The following MYOM2 variants were observed in gnomAD, a reference collection of about 807,000 sequenced individuals.
MYOM2 encodes the protein myomesin-2.
MYOM2 carries 254 observed loss-of-function variants against 187.6 expected under a neutral mutation model. That is an observed-to-expected ratio of 1.35 (90% CI 1.22 to 1.50). MYOM2 has a LOEUF of 1.50. MYOM2 is among the 40% of genes most tolerant of loss of function. The probability of loss-of-function intolerance (pLI) is 0.00; values close to 1 mark genes in which losing one functional copy is unlikely to be tolerated. For missense variants in MYOM2, 2,796 were observed against 1,924.0 expected (o/e 1.45, Z -8.48); for synonymous variants, 981 against 753.8 (o/e 1.30, Z -4.94).
At chr8:2,057,516 T>C in intron 4 of MYOM2, 30 bp downstream of exon 4, 1 of 1,613,580 alleles carries the variant, frequency 6.2e-7, no homozygotes, top group Non-Finnish European at 8.5e-7. Flanking sequence ...GCTGGGTGTC[T>C]GGGAAGCGTG....
intron 6 of MYOM2, among the ~76,000 whole-genome samples, chr8:2,062,111 G>C (rs1055092241): frequency 5.3e-5 from 8 of 152,208 alleles, no homozygotes; most frequent in Non-Finnish European, 2.9e-5. Flanking sequence ...TGGCACAAAG[G>C]CTCTGAGAGG....
intron 23 of MYOM2, 33 bp downstream of exon 23, chr8:2,106,630 T>C: frequency 6.8e-7 from 1 of 1,479,616 alleles, no homozygotes; most frequent in Non-Finnish European, 9.3e-7. Context: ...TTGCCTGTTT[T>C]GGTTTTATCA....
rs761611038 is a variant in MYOM2, at chr8:2,092,399, G to A, written c.1882G>A (p.Val628Met). 4 of 1,614,058 alleles carry A rather than the reference G, an allele frequency of 2.5e-6. No individual in the cohort carries two copies. In the African/African-American group the frequency reaches 4.0e-5, roughly 16 times the overall value. ...VLASRNTKTSVVVQWDRPKHE... is the reference protein window; with the variant it reads ...VLASRNTKTSMVVQWDRPKHE... ...TGCTTCCCGAAACACCAAGACGTCG[G>A]TGGTGGTGCAGTGGGACCGACCTAA... The change falls in exon 16 of 37, where the codon GTG (valine) becomes ATG (methionine). Residue 628 changes from valine (V) to methionine (M), a missense_variant. Physicochemically the swap from Val to Met is conservative, Grantham distance 21. Coordinates refer to ENST00000262113, the MANE Select transcript of MYOM2 (RefSeq NM_003970.4).
Position 2,102,750 on chromosome 8 carries a change from G to A in MYOM2, c.2703G>A (p.Thr901=), listed in dbSNP as rs201339828. 1.2e-4 allele frequency: 197 copies of A among 1,613,968 alleles called. 1 individual carries two copies. The East Asian group carries it at 3.8e-3, about 31-fold the overall frequency. The part of the protein sequence containing the change: ...NANGVGKPSD[T]SEPVLVEARP... ...ATGGCGTGGGGAAGCCCTCAGACAC[G>A]TCGGAGCCTGTGCTGGTAGAGGCGA... The change falls in exon 21 of 37, where the codon ACG becomes ACA. Residue 901 remains threonine, a synonymous_variant. Coordinates refer to ENST00000262113, the MANE Select transcript of MYOM2 (RefSeq NM_003970.4).
chr8:2,049,636 G>C (rs1205073009), intron 1 of MYOM2, among the ~76,000 whole-genome samples: 1 of 152,178 alleles, frequency 6.6e-6, no homozygotes, highest in Non-Finnish European at 1.5e-5. Context: ...TTTAAATAAG[G>C]ACAGATCCTC....
intron 10 of MYOM2, among the ~76,000 whole-genome samples, chr8:2,075,735 C>T (rs1036067227): frequency 6.6e-6 from 1 of 152,162 alleles, no homozygotes; most frequent in African/African-American, 2.4e-5. Context: ...CGCCCAATTT[C>T]CTAAGGATTT....
chr8:2,135,242 T>A (rs1172986530), intron 32 of MYOM2, among the ~76,000 whole-genome samples: 1 of 152,250 alleles, frequency 6.6e-6, no homozygotes, highest in Non-Finnish European at 1.5e-5. Context: ...GTTCAGTGTT[T>A]CCTACAATTA....
chr8:2,118,815 G>C (rs931748065), intron 28 of MYOM2: 4 of 153,076 alleles, frequency 2.6e-5, no homozygotes, highest in Admixed American at 6.5e-5. Context: ...TGGTTGACAA[G>C]GAAGGCTGGA....
In MYOM2 at chr8:2,085,466, C is replaced by T. The variant is rs763514827; in HGVS notation, c.1644+76C>T. ...ACTGTCATGATCTCTGCGTGGCCCA[C>T]CGCTGTCGTGATCTCCGCGTGGCCC... On this transcript the variant is annotated intron_variant, in intron 14 of 36. Transcript: ENST00000262113. 283 of 1,507,950 alleles carry T rather than the reference C, an allele frequency of 1.9e-4. 5 individuals carry two copies. The highest frequency in any genetic ancestry group is 1.4e-3 in the Middle Eastern group (7 of 5,174). The allele number at this position is 1,507,950 out of a possible 1,614,324, so 93.4% of individuals were successfully genotyped here.
chr8:2,131,417 G>A (rs1161141094), intron 32 of MYOM2, among the ~76,000 whole-genome samples: 1 of 151,934 alleles, frequency 6.6e-6, no homozygotes, highest in Non-Finnish European at 1.5e-5. Flanking sequence ...GCTCTCCCGA[G>A]AAGCTCCAAG....
intron 28 of MYOM2, among the ~76,000 whole-genome samples, chr8:2,120,016 A>C (rs1309030482): frequency 6.6e-6 from 1 of 152,188 alleles, no homozygotes; most frequent in African/African-American, 2.4e-5. Context: ...GGGGAGTGGC[A>C]GGAGTGGGCT....
chr8:2,096,382 A>T lies in MYOM2; in HGVS notation c.2261A>T (p.His754Leu). Reference protein sequence around the residue: ...GYYLDKREVHHKNWHEVNSSP... With the variant: ...GYYLDKREVHLKNWHEVNSSP... ...TACCTGGACAAGCGTGAAGTTCACCATAAAAACTGGCACGAGGTCAATTCC... is the reference window on the plus strand; with the variant it reads ...TACCTGGACAAGCGTGAAGTTCACCTTAAAAACTGGCACGAGGTCAATTCC... Residue 754 changes from histidine to leucine, a missense_variant, in exon 18 of 37, where the codon CAT becomes CTT. Coordinates refer to ENST00000262113, the MANE Select transcript of MYOM2 (RefSeq NM_003970.4). 6.2e-7 allele frequency: 1 copy of T among 1,614,228 alleles called. No individual in the cohort carries two copies. Among genetic ancestry groups the T allele is most frequent in the Non-Finnish European group, 8.5e-7 (1 of 1,180,040 alleles).
intron 3 of MYOM2, 62 bp downstream of exon 3, chr8:2,052,375 T>G: frequency 6.6e-7 from 1 of 1,507,952 alleles, no homozygotes; most frequent in Middle Eastern, 2.4e-4. Flanking sequence ...GGAGGGACAG[T>G]GGGGTGAGGA....
intron 31 of MYOM2, among the ~76,000 whole-genome samples, chr8:2,125,515 C>T (rs751392841): frequency 1.3e-5 from 2 of 151,522 alleles, no homozygotes; most frequent in African/African-American, 4.9e-5. Context: ...ATCAGGAGTG[C>T]GATGCCTCCA....
At chr8:2,050,999 G>A in intron 2 of MYOM2, 126 bp downstream of exon 2, 1 of 706,252 alleles carries the variant, frequency 1.4e-6, no homozygotes, top group Non-Finnish European at 2.4e-6. Flanking sequence ...AGCAGAGATG[G>A]CAGCCTCTCC....
At chr8:2,087,730 G>T (rs1461782520) in intron 14 of MYOM2, among the ~76,000 whole-genome samples, 2 of 152,154 alleles carry the variant, frequency 1.3e-5, no homozygotes, top group Non-Finnish European at 1.5e-5. Context: ...TCTGCCCCAG[G>T]CCCCTAACAC....
In MYOM2 at chr8:2,051,454, G is replaced by A. The variant is rs575227044; in HGVS notation, c.107+581G>A. ...AGCAGCAAATCTGCAATCTTAATGG[G>A]CTGATTGGAAGGCTGTGGTGAAGGG... On this transcript the variant is annotated intron_variant, in intron 2 of 36. Transcript: ENST00000262113. 2.3e-4 allele frequency among the ~76,000 whole-genome samples: 35 copies of A among 152,320 alleles called. 1 individual carries two copies. Among genetic ancestry groups the A allele is most frequent in the Middle Eastern group, 6.8e-3 (2 of 292 alleles).
intron 19 of MYOM2, 140 bp from the exon 20 acceptor site, chr8:2,100,736 A>G (rs1432577931): frequency 2.5e-6 from 2 of 785,648 alleles, no homozygotes; most frequent in Non-Finnish European, 4.1e-6. Flanking sequence ...AGAGGCTGAT[A>G]AACATCAGAT....
At chr8:2,143,269 T>C (rs562658004) in intron 35 of MYOM2, 132 bp from the exon 36 acceptor site, 7 of 1,025,764 alleles carry the variant, frequency 6.8e-6, no homozygotes, top group African/African-American at 1.6e-5. Context: ...ACCTTTTTCT[T>C]TGATGCTCGC....
Sources: allele counts gnomAD v4.1 joint callset (sites outside exome capture counted in the v4.1 genomes callset), GRCh38; gene constraint gnomAD v4.1.1; transcripts MANE v1.5; gene names NCBI Gene and HGNC (gene_info 2026-07-23, HGNC 2026-07-21).